The following PFKFB3 variants were observed in gnomAD, a reference collection of about 807,000 sequenced individuals.
PFKFB3 encodes 6-phosphofructo-2-kinase/fructose-2,6-biphosphatase 3.
In PFKFB3, 33 loss-of-function variants were observed where a neutral mutation model predicts 68.0. The ratio of observed to expected loss-of-function variants is 0.49; its 90% CI spans 0.37 to 0.65. The LOEUF (loss-of-function observed/expected upper bound fraction) is 0.65, where lower values mean the gene tolerates loss of function less well. PFKFB3 is among the 30% of genes least tolerant of loss of function. The probability of loss-of-function intolerance (pLI) is 0.00; values close to 1 mark genes in which losing one functional copy is unlikely to be tolerated. For missense variants in PFKFB3, 586 were observed against 712.2 expected (o/e 0.82, Z 2.02); for synonymous variants, 315 against 288.2 (o/e 1.09, Z -0.94).
At chr10:6,167,066 C>T (rs1355792551) in intron 1 of PFKFB3, among the ~76,000 whole-genome samples, 12 of 152,124 alleles carry the variant, frequency 7.9e-5, no homozygotes, top group Admixed American at 5.9e-4. Flanking sequence ...GTGATGGGCC[C>T]GCCTCGGCCT....
chr10:6,229,040 C>A lies in PFKFB3; in HGVS notation c.1515+2675C>A. 1 of 485,854 alleles carries A rather than the reference C, an allele frequency of 2.1e-6. No individual in the cohort carries two copies. Among genetic ancestry groups the A allele is most frequent in the African/African-American group, 2.0e-5 (1 of 50,902 alleles). 30.1% of individuals were successfully genotyped at this position (485,854 alleles called of 1,614,324 possible). On this transcript the variant is annotated intron_variant, in intron 14 of 14. Coordinates refer to ENST00000379775, the MANE Select transcript of PFKFB3 (RefSeq NM_004566.4). The surrounding 1 kb of genome is among the most constrained non-coding windows in gnomAD (Gnocchi z 4.3). ...GCCACATGAAGTGTCATCCCCTTGC[C>A]CCCCCAAAAACACACCCGCCCCTTT...
At chr10:6,176,805 A>G (rs1328769250) in intron 1 of PFKFB3, among the ~76,000 whole-genome samples, 2 of 152,166 alleles carry the variant, frequency 1.3e-5, no homozygotes, top group African/African-American at 4.8e-5. Flanking sequence ...CTCCGGTTCC[A>G]CTTTCTGGAA....
intron 1 of PFKFB3, among the ~76,000 whole-genome samples, chr10:6,211,303 A>G (rs1049980439): frequency 8.5e-5 from 13 of 152,212 alleles, no homozygotes; most frequent in Non-Finnish European, 1.9e-4. Context: ...TGTTGGATAA[A>G]TCAATCAGCC....
the PFKFB3 span, among the ~76,000 whole-genome samples, chr10:6,290,578 A>C: frequency 6.7e-6 from 1 of 150,190 alleles, no homozygotes; most frequent in African/African-American, 2.5e-5. Flanking sequence ...AGCTCACTAC[A>C]ACCTCCACCT....
chr10:6,311,621 C>T, the PFKFB3 span, among the ~76,000 whole-genome samples: 8 of 151,890 alleles, frequency 5.3e-5, no homozygotes, highest in South Asian at 4.2e-4. Flanking sequence ...TGGTGGCGGG[C>T]GCCTGTAATC....
At chr10:6,168,676 T>G (rs925792795) in intron 1 of PFKFB3, among the ~76,000 whole-genome samples, 1 of 152,192 alleles carries the variant, frequency 6.6e-6, no homozygotes, top group African/African-American at 2.4e-5. Flanking sequence ...ACGACCATTA[T>G]GCATGAGTTT....
rs139678459 is a variant in PFKFB3, at chr10:6,241,236, T to C, written c.1516-12942T>C. Among the ~76,000 whole-genome samples, 220 of 152,308 alleles carry C rather than the reference T, an allele frequency of 1.4e-3. 2 individuals are homozygous for C. Among genetic ancestry groups the C allele is most frequent in the Non-Finnish European group, 2.4e-3 (165 of 68,024 alleles). On this transcript the variant is annotated intron_variant, in intron 14 of 14. Transcript: ENST00000640683. ...TGTTCTTTAGTTTGGGTTTGTCTCA[T>C]GTTTTCTCATGATGGGACTGAGTCT...
At chr10:6,187,523 C>G (rs559229155) in intron 1 of PFKFB3, among the ~76,000 whole-genome samples, 7 of 152,288 alleles carry the variant, frequency 4.6e-5, no homozygotes, top group Admixed American at 2.0e-4. Flanking sequence ...GACAACTGCT[C>G]TAGGCTGCGT....
At chr10:6,155,040 A>T (rs1841726662) in intron 1 of PFKFB3, among the ~76,000 whole-genome samples, 1 of 152,186 alleles carries the variant, frequency 6.6e-6, no homozygotes. Context: ...ACTGTGCCCC[A>T]GGTCAGTCAT....
At chr10:6,322,529 T>C in the PFKFB3 span, among the ~76,000 whole-genome samples, 3 of 152,194 alleles carry the variant, frequency 2.0e-5, no homozygotes, top group African/African-American at 7.2e-5. Flanking sequence ...GCTTAAAACT[T>C]GTCAATGGCT....
the PFKFB3 span, among the ~76,000 whole-genome samples, chr10:6,296,408 TCTCA>T: frequency 6.6e-6 from 1 of 152,244 alleles, no homozygotes; most frequent in Non-Finnish European, 1.5e-5. Context: ...GGTTCTTGGA[TCTCA>T]CTCAAGAAAG....
Position 6,224,013 on chromosome 10 carries a change from C to A in PFKFB3, c.1269C>A (p.Val423=), listed in dbSNP as rs749869691. Residue 423 remains valine, a synonymous_variant, in exon 12 of 15, where the codon GTC becomes GTA. Transcript: ENST00000379775. ...PLHTVLKLTP[V]AYGCRVESIY... is the part of the protein sequence containing the mutation. The stretch of plus-strand genomic sequence containing the variant: ...ACACCGTCCTGAAACTGACGCCTGT[C>A]GCTTATGGTGAGTAGCAACCCCTGC... 13 of 1,614,086 alleles carry A rather than the reference C, an allele frequency of 8.1e-6. No individual in the cohort carries two copies. The highest frequency in any genetic ancestry group is 1.1e-5 in the Non-Finnish European group (13 of 1,180,016).
At chr10:6,151,699 A>G (rs1003064970) in intron 1 of PFKFB3, among the ~76,000 whole-genome samples, 1 of 152,198 alleles carries the variant, frequency 6.6e-6, no homozygotes, top group Non-Finnish European at 1.5e-5. Flanking sequence ...GGCAGGGGCA[A>G]ACGGGAAGTC....
chr10:6,200,945 T>C (rs1843327568), upstream of PFKFB3, among the ~76,000 whole-genome samples: 1 of 152,102 alleles, frequency 6.6e-6, no homozygotes, highest in Admixed American at 6.6e-5. Context: ...GTCTCTCTGC[T>C]CTCCCTGTGA....
the PFKFB3 span, among the ~76,000 whole-genome samples, chr10:6,296,207 T>C: frequency 3.9e-5 from 6 of 152,292 alleles, no homozygotes; most frequent in East Asian, 3.9e-4. Flanking sequence ...CATTTTCTTT[T>C]TTTTCTTTTC....
chr10:6,311,681 G>A, the PFKFB3 span, among the ~76,000 whole-genome samples: 16 of 152,098 alleles, frequency 1.1e-4, no homozygotes, highest in Non-Finnish European at 2.4e-4. Context: ...CCCGGGAGGC[G>A]GAGGTTGCAG....
chr10:6,165,512 A>AT (rs1212142054), intron 1 of PFKFB3, among the ~76,000 whole-genome samples: 1 of 152,128 alleles, frequency 6.6e-6, no homozygotes, highest in Non-Finnish European at 1.5e-5. Context: ...CACAAAACAG[A>AT]TTTTCCCAGG....
In PFKFB3 at chr10:6,219,707, C is replaced by G. The variant is rs373589373; in HGVS notation, c.623+14C>G. 12 of 1,612,226 alleles carry G rather than the reference C, an allele frequency of 7.4e-6. No homozygotes were observed. Among genetic ancestry groups the G allele is most frequent in the African/African-American group, 1.3e-5 (1 of 74,892 alleles). The stretch of plus-strand genomic sequence containing the variant: ...CAAATGCGACAGGTGATTCCCGTGG[C>G]TGGCCGTCTCTGCAAGACCCACATG... On this transcript the variant is annotated intron_variant, in intron 7 of 14. Coordinates refer to ENST00000379775, the MANE Select transcript of PFKFB3 (RefSeq NM_004566.4).
chr10:6,322,631 T>C, the PFKFB3 span, among the ~76,000 whole-genome samples: 2 of 152,376 alleles, frequency 1.3e-5, no homozygotes, highest in East Asian at 3.8e-4. Flanking sequence ...GATGCTCCAG[T>C]AACACTGATG....
Sources: gnomAD v4.1 joint callset for allele counts (sites outside exome capture counted in the v4.1 genomes callset) on GRCh38, gnomAD v4.1.1 for gene constraint, Gnocchi (gnomAD v3.1) non-coding constraint, MANE v1.5 for transcripts, NCBI Gene and HGNC (gene_info 2026-07-23, HGNC 2026-07-21) for gene names.